The following GPHN variants were observed in gnomAD, a reference collection of about 807,000 sequenced individuals.
The protein encoded by GPHN is gephyrin.
GPHN carries 17 observed loss-of-function variants against 95.5 expected under a neutral mutation model. The ratio of observed to expected loss-of-function variants is 0.18; its 90% CI spans 0.12 to 0.27. The LOEUF is 0.27. Ranked by LOEUF, GPHN falls within the 10% of genes least tolerant of loss-of-function variation. The pLI, the probability that GPHN is intolerant of heterozygous loss-of-function variation, is 1.00. For synonymous variants in GPHN, 320 were observed against 322.5 expected (o/e 0.99, Z 0.08); for missense variants, 660 against 978.1 (o/e 0.67, Z 4.34).
intron 1 of GPHN, among the ~76,000 whole-genome samples, chr14:66,616,097 GC>G (rs2063010848): frequency 6.6e-6 from 1 of 151,684 alleles, no homozygotes; most frequent in South Asian, 2.1e-4. Context: ...CCAGTACCAT[GC>G]TGTTTTGATT....
At chr14:66,901,243 G>C (rs2065116104) in intron 5 of GPHN, among the ~76,000 whole-genome samples, 2 of 151,892 alleles carry the variant, frequency 1.3e-5, no homozygotes, top group African/African-American at 4.8e-5. Flanking sequence ...GTTGTTTTCT[G>C]TCAAGCTATC....
At chr14:66,706,797 C>T (rs1460275872) in intron 2 of GPHN, among the ~76,000 whole-genome samples, 1 of 151,820 alleles carries the variant, frequency 6.6e-6, no homozygotes, top group Non-Finnish European at 1.5e-5. Flanking sequence ...TGCAACAAAA[C>T]CCAAAATTGA....
At chr14:66,516,151 C>T (rs981773722) in intron 1 of GPHN, among the ~76,000 whole-genome samples, 8 of 151,104 alleles carry the variant, frequency 5.3e-5, no homozygotes, top group African/African-American at 9.7e-5. Flanking sequence ...GGATTACAGG[C>T]GCCTGCCACC....
intron 1 of GPHN, among the ~76,000 whole-genome samples, chr14:66,678,378 A>G (rs540531902): frequency 6.0e-5 from 9 of 151,028 alleles, no homozygotes; most frequent in East Asian, 3.9e-4. Context: ...GAAGCTTTCA[A>G]TTGTATTTTT....
intron 2 of GPHN, 52 bp from the exon 3 acceptor site, chr14:66,776,412 C>G (rs985169546): frequency 9.6e-7 from 1 of 1,041,530 alleles, no homozygotes; most frequent in African/African-American, 1.6e-5. Context: ...ATCTTTCATA[C>G]ATTTTAAACA....
intron 5 of GPHN, among the ~76,000 whole-genome samples, chr14:66,885,322 T>C (rs2153537004): frequency 6.6e-6 from 1 of 152,266 alleles, no homozygotes; most frequent in East Asian, 1.9e-4. Flanking sequence ...TTTGGAACTT[T>C]GTAGTCTATT....
At chr14:66,548,615 C>T (rs1422796338) in intron 1 of GPHN, among the ~76,000 whole-genome samples, 1 of 152,198 alleles carries the variant, frequency 6.6e-6, no homozygotes, top group East Asian at 1.9e-4. Context: ...TCCCTATTCC[C>T]TGAGATACAA....
intron 5 of GPHN, among the ~76,000 whole-genome samples, chr14:66,899,881 AC>A: frequency 6.6e-6 from 1 of 152,010 alleles, no homozygotes; most frequent in Admixed American, 6.6e-5. Context: ...CACTAGTGGA[AC>A]CATCTGTCCT....
At chr14:66,519,975 T>G (rs956621634) in intron 1 of GPHN, among the ~76,000 whole-genome samples, 3 of 152,122 alleles carry the variant, frequency 2.0e-5, no homozygotes, top group Admixed American at 2.0e-4. Flanking sequence ...AATCTGTCCG[T>G]AGAGTGTAAG....
the GPHN span, chr14:67,692,947 C>T: frequency 6.2e-7 from 1 of 1,612,616 alleles, no homozygotes. Context: ...TCTGAGCCAG[C>T]TCTTTGGCTG....
intron 17 of GPHN, among the ~76,000 whole-genome samples, chr14:67,122,647 C>T (rs1488749728): frequency 6.6e-6 from 1 of 151,994 alleles, no homozygotes; most frequent in Non-Finnish European, 1.5e-5. Context: ...TGGTTTTATC[C>T]CAATGGAGCT....
chr14:66,946,546 C>T (rs1003381107), intron 8 of GPHN, among the ~76,000 whole-genome samples: 1 of 152,078 alleles, frequency 6.6e-6, no homozygotes, highest in Non-Finnish European at 1.5e-5. Context: ...GCTGGGATTA[C>T]AAGCACGCAC....
chr14:66,670,808 A>G (rs1393977169), intron 1 of GPHN, among the ~76,000 whole-genome samples: 1 of 152,116 alleles, frequency 6.6e-6, no homozygotes, highest in Non-Finnish European at 1.5e-5. Context: ...TAAATAAATA[A>G]ATAAAAAGAG....
the GPHN span, among the ~76,000 whole-genome samples, chr14:67,242,298 T>C: frequency 6.6e-6 from 1 of 152,234 alleles, no homozygotes; most frequent in African/African-American, 2.4e-5. Context: ...ATCTGATGGC[T>C]AGGAAGTTTT....
chr14:66,952,527 T>C (rs1699426238), intron 8 of GPHN, among the ~76,000 whole-genome samples: 1 of 152,182 alleles, frequency 6.6e-6, no homozygotes, highest in Admixed American at 6.5e-5. Flanking sequence ...CTGTTTTCAG[T>C]TCTCTTGAAT....
chr14:66,609,613 A>T lies in GPHN; in HGVS notation c.65-71494A>T, dbSNP rs147680783. ...CTATATAATCCCATATTTTTCAGAA[A>T]TTTTTTTCATTTTTAAAATATTCTT... is the stretch of plus-strand genomic sequence containing the variant. On this transcript the variant is annotated intron_variant, in intron 1 of 22. Transcript: ENST00000478722. 6.4e-4 allele frequency among the ~76,000 whole-genome samples: 97 copies of T among 152,034 alleles called. 3 individuals carry two copies. The East Asian group carries it at 9.8e-3, about 15-fold the overall frequency.
chr14:66,557,233 G>A (rs368961057), intron 1 of GPHN, among the ~76,000 whole-genome samples: 4 of 135,310 alleles, frequency 3.0e-5, no homozygotes, highest in African/African-American at 1.1e-4. Flanking sequence ...AGATACATAG[G>A]TAGGTAGATA....
intron 10 of GPHN, 70 bp downstream of exon 10, chr14:67,023,745 A>C (rs2073783401): frequency 7.9e-7 from 1 of 1,266,684 alleles, no homozygotes. Context: ...TATTTTGGTG[A>C]AAAAAAAGAA....
At chr14:67,106,690 T>C (rs2078058247) in intron 13 of GPHN, among the ~76,000 whole-genome samples, 1 of 152,218 alleles carries the variant, frequency 6.6e-6, no homozygotes. Context: ...TTGTTGAATT[T>C]ATCATTCTTA....
Sources: gnomAD v4.1 joint callset for allele counts (sites outside exome capture counted in the v4.1 genomes callset) on GRCh38, gnomAD v4.1.1 for gene constraint, MANE v1.5 for transcripts, NCBI Gene and HGNC (gene_info 2026-07-23, HGNC 2026-07-21) for gene names.